CLMP: variants seen among roughly 807,000 people sequenced by gnomAD.
CLMP encodes the protein CXADR-like membrane protein.
CLMP carries 27 observed loss-of-function variants against 45.2 expected under a neutral mutation model. The ratio of observed to expected loss-of-function variants is 0.60; its 90% CI spans 0.44 to 0.82. The LOEUF is 0.82. Ranked by LOEUF, CLMP falls within the 40% of genes least tolerant of loss-of-function variation. The pLI is 0.00. For missense variants in CLMP, 403 were observed against 448.4 expected, an observed-to-expected ratio of 0.90 and a Z score of 0.91; for synonymous variants, 167 against 171.4, an observed-to-expected ratio of 0.97 and a Z score of 0.20.
At chr11:123,126,026 A>G (rs1438801786) in intron 1 of CLMP, among the ~76,000 whole-genome samples, 1 of 152,120 alleles carries the variant, frequency 6.6e-6, no homozygotes, top group African/African-American at 2.4e-5. Flanking sequence ...ACCATGTGCT[A>G]CTCACACTGC....
At chr11:123,076,401 C>T (rs1434431864) in intron 5 of CLMP, among the ~76,000 whole-genome samples, 1 of 152,134 alleles carries the variant, frequency 6.6e-6, no homozygotes, top group Non-Finnish European at 1.5e-5. Flanking sequence ...GTTGAGTTTT[C>T]ATTCCAGAAG....
chr11:123,144,669 G>A (rs1471035740), intron 1 of CLMP, among the ~76,000 whole-genome samples: 3 of 151,538 alleles, frequency 2.0e-5, no homozygotes, highest in Non-Finnish European at 2.9e-5. Flanking sequence ...CACTCCCAGC[G>A]GGGATAATGA....
At chr11:123,168,512 G>T (rs1376442584) in intron 1 of CLMP, among the ~76,000 whole-genome samples, 2 of 152,178 alleles carry the variant, frequency 1.3e-5, no homozygotes, top group Non-Finnish European at 2.9e-5. Flanking sequence ...AGGAAGCCTT[G>T]GGGCTGCTTT....
chr11:123,122,696 G>A (rs1860835715), intron 1 of CLMP, among the ~76,000 whole-genome samples: 1 of 152,194 alleles, frequency 6.6e-6, no homozygotes, highest in South Asian at 2.1e-4. Flanking sequence ...CATCAGGAAT[G>A]AGGAAATTGC....
intron 1 of CLMP, among the ~76,000 whole-genome samples, chr11:123,169,102 G>A (rs1208392865): frequency 6.6e-6 from 1 of 152,146 alleles, no homozygotes; most frequent in Non-Finnish European, 1.5e-5. Context: ...GTCCCTGCTG[G>A]GGAATCCCTG....
intron 4 of CLMP, among the ~76,000 whole-genome samples, 180 bp from the exon 5 acceptor site, chr11:123,083,387 C>G (rs547332769): frequency 6.6e-6 from 1 of 152,170 alleles, no homozygotes; most frequent in Non-Finnish European, 1.5e-5. Flanking sequence ...AGTTGTAGCA[C>G]ATCCTCAAAA....
chr11:123,083,402 CA>C (rs1193748630), intron 4 of CLMP, among the ~76,000 whole-genome samples, 195 bp from the exon 5 acceptor site: 1 of 152,056 alleles, frequency 6.6e-6, no homozygotes, highest in Non-Finnish European at 1.5e-5. Context: ...TCAAAAGTTA[CA>C]AAAGATTGTG....
intron 1 of CLMP, among the ~76,000 whole-genome samples, chr11:123,103,936 T>G (rs1224568094): frequency 6.6e-6 from 1 of 150,866 alleles, no homozygotes; most frequent in Non-Finnish European, 1.5e-5. Flanking sequence ...TTAAAGTGAT[T>G]GTTGTGCCTC....
At chr11:123,085,909 T>G (rs1865860892) in intron 2 of CLMP, among the ~76,000 whole-genome samples, 1 of 151,900 alleles carries the variant, frequency 6.6e-6, no homozygotes, top group South Asian at 2.1e-4. Flanking sequence ...CCTGAGTAGC[T>G]GGGATTACAG....
intron 5 of CLMP, among the ~76,000 whole-genome samples, chr11:123,082,868 A>G (rs1466401111): frequency 1.3e-5 from 2 of 152,082 alleles, no homozygotes; most frequent in Non-Finnish European, 1.5e-5. Flanking sequence ...GGCCCTCCCA[A>G]AGTGCTGGGA....
At chr11:123,098,297 G>A (rs1019967606) in intron 1 of CLMP, among the ~76,000 whole-genome samples, 2 of 151,738 alleles carry the variant, frequency 1.3e-5, no homozygotes, top group South Asian at 2.1e-4. Flanking sequence ...GCATGATCTC[G>A]GCTCACTGCA....
At chr11:123,150,480 A>AGGAAGG (rs1555084543) in intron 1 of CLMP, among the ~76,000 whole-genome samples, 19 of 40,962 alleles carry the variant, frequency 4.6e-4, no homozygotes, top group Non-Finnish European at 7.1e-4. Flanking sequence ...AGAAAGAAAG[A>AGGAAGG]AAGGAAGGAA....
chr11:123,083,550 A>T (rs1416697939), intron 4 of CLMP, 130 bp downstream of exon 4: 15 of 893,176 alleles, frequency 1.7e-5, no homozygotes, highest in Non-Finnish European at 2.5e-5. Flanking sequence ...AATGGATTTT[A>T]AAAATGGCAG....
chr11:123,191,072 G>A (rs1407457659), intron 1 of CLMP, among the ~76,000 whole-genome samples: 2 of 152,166 alleles, frequency 1.3e-5, no homozygotes, highest in African/African-American at 4.8e-5. Flanking sequence ...TGGCAAATTT[G>A]ATGTATACAT....
intron 1 of CLMP, among the ~76,000 whole-genome samples, chr11:123,119,042 TCTCC>T (rs1565387981): frequency 5.3e-4 from 19 of 36,020 alleles, no homozygotes; most frequent in Middle Eastern, 0.013. Flanking sequence ...TCTCTCTCTC[TCTCC>T]CTCTCCCTCT....
intron 1 of CLMP, among the ~76,000 whole-genome samples, chr11:123,118,120 A>G (rs2135496673): frequency 6.6e-6 from 1 of 152,182 alleles, no homozygotes; most frequent in Admixed American, 6.5e-5. Flanking sequence ...GTTCGCAAAG[A>G]CTGCAATAAA....
chr11:123,119,268 A>T (rs1362398004), intron 1 of CLMP, among the ~76,000 whole-genome samples: 1 of 151,638 alleles, frequency 6.6e-6, no homozygotes, highest in Non-Finnish European at 1.5e-5. Context: ...TTTTTAGTAG[A>T]GAGGGGGTTT....
At chr11:123,110,972 C>A (rs1356180363) in intron 1 of CLMP, among the ~76,000 whole-genome samples, 2 of 152,088 alleles carry the variant, frequency 1.3e-5, no homozygotes, top group South Asian at 2.1e-4. Flanking sequence ...TATTTAATGT[C>A]TTTTCTAACT....
At chr11:123,156,189 TGAG>T (rs1411298395) in intron 1 of CLMP, among the ~76,000 whole-genome samples, 1 of 152,154 alleles carries the variant, frequency 6.6e-6, no homozygotes, top group Non-Finnish European at 1.5e-5. Flanking sequence ...AAAGGCCGTG[TGAG>T]GATACAACAA....
Sources: allele counts gnomAD v4.1 joint callset (sites outside exome capture counted in the v4.1 genomes callset), GRCh38; gene constraint gnomAD v4.1.1; transcripts MANE v1.5; gene names NCBI Gene and HGNC (gene_info 2026-07-23, HGNC 2026-07-21).